CDH13: variants seen among roughly 807,000 people sequenced by gnomAD.
The protein encoded by CDH13 is cadherin 13.
In CDH13, 24 loss-of-function variants were observed where a neutral mutation model predicts 63.8. The ratio of observed to expected loss-of-function variants is 0.38; its 90% CI spans 0.27 to 0.53. The LOEUF (loss-of-function observed/expected upper bound fraction) is 0.53, where lower values mean the gene tolerates loss of function less well. Ranked by LOEUF, CDH13 falls within the 20% of genes least tolerant of loss-of-function variation. The pLI is 0.85. For synonymous variants in CDH13, 503 were observed against 355.3 expected, an observed-to-expected ratio of 1.42 and a Z score of -4.67; for missense variants, 1,049 against 903.1, an observed-to-expected ratio of 1.16 and a Z score of -2.07.
rs537461726 is a variant in CDH13 at position 83,361,055 on chromosome 16, C to T, written c.781+16049C>T. Among the ~76,000 whole-genome samples the T allele has an allele frequency of 6.3e-4, 96 of 152,304 alleles. 1 individual carries two copies. The Middle Eastern group carries it at 0.014, about 22-fold the overall frequency. ...CTGAAGTAATTTACATTCCCACGAA[C>T]AGTATATAAGCTTTCCCTTTTCTCC... On this transcript the variant is annotated intron_variant, in intron 6 of 13. Transcript: ENST00000567109.
intron 10 of CDH13, among the ~76,000 whole-genome samples, chr16:83,722,152 T>C (rs1909781318): frequency 1.3e-5 from 2 of 152,136 alleles, no homozygotes; most frequent in South Asian, 2.1e-4. Context: ...GCCCACAGTA[T>C]TCAAATCCCA....
chr16:83,547,295 T>C (rs764173036), intron 7 of CDH13, among the ~76,000 whole-genome samples: 5 of 152,216 alleles, frequency 3.3e-5, no homozygotes, highest in Non-Finnish European at 5.9e-5. Flanking sequence ...GTGGCTGTTG[T>C]TGTTTAATCT....
At chr16:83,674,580 G>C (rs989795899) in intron 9 of CDH13, among the ~76,000 whole-genome samples, 3 of 152,212 alleles carry the variant, frequency 2.0e-5, no homozygotes, top group African/African-American at 4.8e-5. Context: ...TAAGGCAGAG[G>C]GGGGCTGGTG....
At chr16:83,426,849 A>C (rs1036037586) in intron 6 of CDH13, among the ~76,000 whole-genome samples, 2 of 149,238 alleles carry the variant, frequency 1.3e-5, no homozygotes, top group Admixed American at 1.3e-4. Flanking sequence ...TGATCACAGT[A>C]ATGGCCCCCC....
chr16:82,804,276 TACACACACACAC>T (rs140828245), intron 1 of CDH13, among the ~76,000 whole-genome samples: 240 of 135,104 alleles, frequency 1.8e-3, no homozygotes, highest in African/African-American at 2.5e-3. Flanking sequence ...GGGATCTTGC[TACACACACACAC>T]ACACACACAC....
chr16:82,807,379 C>T (rs2037197212), intron 1 of CDH13, among the ~76,000 whole-genome samples: 1 of 152,030 alleles, frequency 6.6e-6, no homozygotes, highest in Admixed American at 6.6e-5. Context: ...TTCTCTTTGG[C>T]AGTTTGGGCG....
At chr16:82,646,954 T>C (rs183911080) in intron 1 of CDH13, among the ~76,000 whole-genome samples, 60 of 152,096 alleles carry the variant, frequency 3.9e-4, no homozygotes, top group African/African-American at 1.4e-3. Flanking sequence ...TGGATCAGAG[T>C]TAGAAAGATG....
intron 3 of CDH13, among the ~76,000 whole-genome samples, chr16:83,094,675 C>G (rs575971177): frequency 2.1e-4 from 32 of 152,192 alleles, no homozygotes; most frequent in Non-Finnish European, 4.1e-4. Context: ...ATAAAGGGAT[C>G]TGAGCAGCAA....
chr16:82,831,081 G>C (rs181227370), intron 1 of CDH13, among the ~76,000 whole-genome samples: 2 of 152,182 alleles, frequency 1.3e-5, no homozygotes, highest in Admixed American at 1.3e-4. Context: ...GGACCAAGCA[G>C]CTTCAGCATC....
chr16:82,787,818 T>G (rs2036090951), intron 1 of CDH13, among the ~76,000 whole-genome samples: 1 of 14,772 alleles, frequency 6.8e-5, no homozygotes, highest in Non-Finnish European at 2.3e-4. Context: ...CCACGGACTG[T>G]ATGGAGGGGG....
At chr16:82,932,269 T>G (rs985578983) in intron 2 of CDH13, among the ~76,000 whole-genome samples, 4 of 152,224 alleles carry the variant, frequency 2.6e-5, no homozygotes, top group Admixed American at 2.6e-4. Flanking sequence ...ATTGTTTATC[T>G]GAGATTCAAA....
intron 1 of CDH13, among the ~76,000 whole-genome samples, chr16:82,772,187 G>A (rs1036900542): frequency 6.6e-6 from 1 of 151,402 alleles, no homozygotes; most frequent in Non-Finnish European, 1.5e-5. Flanking sequence ...CATGGTGAGA[G>A]TATCTACACC....
At chr16:82,655,612 G>A (rs1911207922) in intron 1 of CDH13, among the ~76,000 whole-genome samples, 1 of 152,158 alleles carries the variant, frequency 6.6e-6, no homozygotes, top group Non-Finnish European at 1.5e-5. Context: ...GGGCAAGGCA[G>A]TGACATCATT....
At chr16:83,514,295 A>T (rs4583231) in intron 7 of CDH13, among the ~76,000 whole-genome samples, 61,050 of 152,044 alleles carry the variant, frequency 0.4, 12,649 homozygotes, top group East Asian at 0.47. Flanking sequence ...AGCTAAGATG[A>T]GGTTATGCTG....
chr16:82,754,120 C>T (rs1290808855), intron 1 of CDH13, among the ~76,000 whole-genome samples: 3 of 152,130 alleles, frequency 2.0e-5, no homozygotes, highest in East Asian at 1.9e-4. Flanking sequence ...GTTCATGGCG[C>T]AGGGTCAGGG....
At chr16:82,983,981 C>A (rs937958875) in intron 2 of CDH13, among the ~76,000 whole-genome samples, 1 of 152,192 alleles carries the variant, frequency 6.6e-6, no homozygotes, top group Non-Finnish European at 1.5e-5. Context: ...GCCATAGATA[C>A]AAGGACTTTC....
At chr16:83,519,511 A>C (rs551406080) in intron 7 of CDH13, among the ~76,000 whole-genome samples, 58 of 152,242 alleles carry the variant, frequency 3.8e-4, no homozygotes, top group Non-Finnish European at 7.3e-4. Context: ...AAACTAACAG[A>C]GGAAGAAAAT....
intron 4 of CDH13, among the ~76,000 whole-genome samples, chr16:83,170,109 T>G (rs565506278): frequency 1.7e-4 from 26 of 152,148 alleles, no homozygotes; most frequent in Non-Finnish European, 3.2e-4. Flanking sequence ...AACAATTTAC[T>G]TTGGGACCAT....
At chr16:83,307,298 C>T (rs2089903151) in intron 5 of CDH13, among the ~76,000 whole-genome samples, 1 of 152,122 alleles carries the variant, frequency 6.6e-6, no homozygotes, top group Non-Finnish European at 1.5e-5. Flanking sequence ...GTATCTTATC[C>T]CCAGCACGAT....
Sources: allele counts gnomAD v4.1 joint callset (sites outside exome capture counted in the v4.1 genomes callset), GRCh38; gene constraint gnomAD v4.1.1; transcripts MANE v1.5; gene names NCBI Gene and HGNC (gene_info 2026-07-23, HGNC 2026-07-21).